The following DIXDC1 variants were observed in gnomAD, a reference collection of about 807,000 sequenced individuals.
The protein encoded by DIXDC1 is dixin.
In DIXDC1, 64 loss-of-function variants were observed where a neutral mutation model predicts 103.1. That is an observed-to-expected ratio of 0.62 (90% CI 0.51 to 0.76). The LOEUF (loss-of-function observed/expected upper bound fraction) is 0.76. Ranked by LOEUF, DIXDC1 falls within the 30% of genes least tolerant of loss-of-function variation. The pLI is 0.00. For missense variants in DIXDC1, 759 were observed against 834.2 expected (o/e 0.91, Z 1.11); for synonymous variants, 266 against 298.5 (o/e 0.89, Z 1.12).
At chr11:112,005,092 T>G (rs1555176459) in intron 17 of DIXDC1, among the ~76,000 whole-genome samples, 4 of 152,108 alleles carry the variant, frequency 2.6e-5, no homozygotes, top group African/African-American at 7.2e-5. Context: ...AAGTAACTGA[T>G]TCATATGTTA....
upstream of DIXDC1, among the ~76,000 whole-genome samples, chr11:111,932,581 C>G (rs587689657): frequency 9.7e-5 from 14 of 144,292 alleles, no homozygotes; most frequent in Middle Eastern, 3.6e-3. Context: ...AGCGAGACTC[C>G]GTCTCAAAAA....
intron 1 of DIXDC1, among the ~76,000 whole-genome samples, chr11:111,941,275 T>C (rs1184328264): frequency 2.0e-5 from 3 of 151,786 alleles, no homozygotes; most frequent in Non-Finnish European, 4.4e-5. Context: ...CTTGGGAAAA[T>C]TGAGGTGATA....
intron 5 of DIXDC1, among the ~76,000 whole-genome samples, chr11:111,979,440 T>C (rs1157256908): frequency 2.0e-5 from 3 of 152,220 alleles, no homozygotes; most frequent in Non-Finnish European, 4.4e-5. Context: ...AAAGAATTCC[T>C]GAGAGGGGGC....
intron 16 of DIXDC1, 75 bp from the exon 17 acceptor site, chr11:111,996,005 A>G: frequency 7.3e-7 from 1 of 1,373,650 alleles, no homozygotes; most frequent in Non-Finnish European, 1.0e-6. Context: ...TTTTAAGCAC[A>G]CTTTTATGAT....
chr11:111,938,889 A>C (rs782566218), intron 1 of DIXDC1, among the ~76,000 whole-genome samples: 1 of 152,234 alleles, frequency 6.6e-6, no homozygotes, highest in Non-Finnish European at 1.5e-5. Context: ...ACTGCAGGGC[A>C]CCTCATCTTT....
At chr11:111,953,181 C>G (rs1966846633) in intron 1 of DIXDC1, among the ~76,000 whole-genome samples, 1 of 152,098 alleles carries the variant, frequency 6.6e-6, no homozygotes, top group South Asian at 2.1e-4. Flanking sequence ...CTGTTATTTT[C>G]CATATAAACT....
chr11:112,001,754 ATTT>A (rs587718870), intron 17 of DIXDC1, among the ~76,000 whole-genome samples: 6 of 134,076 alleles, frequency 4.5e-5, no homozygotes, highest in African/African-American at 8.3e-5. Context: ...TTCAGCTGAG[ATTT>A]TTTTTTTTTT....
At chr11:111,992,868 A>G in intron 11 of DIXDC1, 83 bp from the exon 12 acceptor site, 3 of 1,404,038 alleles carry the variant, frequency 2.1e-6, no homozygotes, top group Admixed American at 2.0e-5. Flanking sequence ...AACTGCCAAC[A>G]TTAACTGGTT....
rs1288884941 is a variant in DIXDC1, at chr11:111,958,721, G to A, written c.61-5828G>A. Among the ~76,000 whole-genome samples, 9 of 152,176 alleles carry A rather than the reference G, an allele frequency of 5.9e-5. No homozygotes were observed. The highest frequency in any genetic ancestry group is 2.1e-4 in the South Asian group (1 of 4,832). On this transcript the variant is annotated intron_variant, in intron 1 of 19. Coordinates refer to ENST00000440460, the MANE Select transcript of DIXDC1 (RefSeq NM_001037954.4). The surrounding 1 kb of genome is among the most constrained non-coding windows in gnomAD (Gnocchi z 4.2). ...CCTGGGGGGTCAGGCTGCCAGCCCCGCAGACCGGAGTGGGAATTTATGGTG... is the reference window on the plus strand; with the variant it reads ...CCTGGGGGGTCAGGCTGCCAGCCCCACAGACCGGAGTGGGAATTTATGGTG...
At chr11:111,985,459 A>G (rs1860459458) in intron 8 of DIXDC1, 138 bp downstream of exon 8, 2 of 671,328 alleles carry the variant, frequency 3.0e-6, no homozygotes, top group Middle Eastern at 2.5e-4. Context: ...ATTTTTGACC[A>G]TTGTTTCCTT....
At chr11:111,950,670 G>A (rs1310534724) in intron 1 of DIXDC1, among the ~76,000 whole-genome samples, 1 of 151,344 alleles carries the variant, frequency 6.6e-6, no homozygotes, top group African/African-American at 2.4e-5. Context: ...TGGCCAGACT[G>A]GTCTTGAACT....
At chr11:111,989,821 C>G (rs1302316849) in intron 10 of DIXDC1, among the ~76,000 whole-genome samples, 1 of 150,150 alleles carries the variant, frequency 6.7e-6, no homozygotes, top group Non-Finnish European at 1.5e-5. Context: ...CGGAGTCTCG[C>G]TCTGTTGCCC....
intron 2 of DIXDC1, among the ~76,000 whole-genome samples, chr11:111,931,471 C>T (rs1322204479): frequency 6.6e-6 from 1 of 152,022 alleles, no homozygotes; most frequent in Non-Finnish European, 1.5e-5. Context: ...AGTGAAACCC[C>T]ATCTTTACTA....
intron 17 of DIXDC1, among the ~76,000 whole-genome samples, chr11:112,013,263 C>CCA (rs1406057963): frequency 8.2e-6 from 1 of 122,434 alleles, no homozygotes; most frequent in Non-Finnish European, 1.6e-5. Flanking sequence ...GGCCCTATCT[C>CCA]CAAAACAGTC....
intron 5 of DIXDC1, among the ~76,000 whole-genome samples, chr11:111,979,534 T>G (rs587665051): frequency 1.8e-3 from 277 of 152,310 alleles, no homozygotes; most frequent in African/African-American, 6.4e-3. Flanking sequence ...GGCTCGAGAC[T>G]CCTTTTCCCT....
Position 111,977,442 on chromosome 11 carries a change from C to T in DIXDC1, c.656+2459C>T, listed in dbSNP as rs1860147145. The T allele has an allele frequency of 2.4e-6, 3 of 1,231,938 alleles. No individual in the cohort carries two copies. The Admixed American group carries it at 1.4e-4, about 57-fold the overall frequency. 76.3% of individuals were successfully genotyped at this position (1,231,938 alleles called of 1,614,324 possible). A position where few individuals can be genotyped will look rare whatever the true frequency, so the allele number is the denominator to read the frequency against. Reference sequence around the variant, plus strand: ...GGGGATGCCCGGCACCGTGCGTCCGCGGAGGCCAAGATGCAGCGGCCAGGG... The same window carrying T: ...GGGGATGCCCGGCACCGTGCGTCCGTGGAGGCCAAGATGCAGCGGCCAGGG... On this transcript the variant is annotated intron_variant, in intron 5 of 19. Coordinates refer to ENST00000440460, the MANE Select transcript of DIXDC1 (RefSeq NM_001037954.4). The surrounding 1 kb of genome is among the most constrained non-coding windows in gnomAD (Gnocchi z 6.1).
chr11:111,937,284 G>T (rs1555168259), upstream of DIXDC1: 39 of 1,307,338 alleles, frequency 3.0e-5, no homozygotes, highest in Non-Finnish European at 3.6e-5. Context: ...TAGGAACCGC[G>T]ACCGCGCCGG....
At chr11:111,959,576 C>T (rs1263963537) in intron 1 of DIXDC1, among the ~76,000 whole-genome samples, 3 of 152,364 alleles carry the variant, frequency 2.0e-5, no homozygotes, top group East Asian at 1.9e-4. Flanking sequence ...GCCGGCAGTG[C>T]GAGCTTGCCA....
At chr11:111,964,908 T>C (rs1746066274) in intron 2 of DIXDC1, among the ~76,000 whole-genome samples, 1 of 152,200 alleles carries the variant, frequency 6.6e-6, no homozygotes, top group Non-Finnish European at 1.5e-5. Context: ...GAATAGTCCA[T>C]GCTCTCAAGA....
Sources: gnomAD v4.1 joint callset for allele counts (sites outside exome capture counted in the v4.1 genomes callset) on GRCh38, gnomAD v4.1.1 for gene constraint, Gnocchi (gnomAD v3.1) non-coding constraint, MANE v1.5 for transcripts, NCBI Gene and HGNC (gene_info 2026-07-23, HGNC 2026-07-21) for gene names.